OTOGL: variants seen among roughly 807,000 people sequenced by gnomAD.
OTOGL encodes the protein otogelin like.
Under a neutral mutation model 318.5 loss-of-function variants are expected in OTOGL, and 285 were observed. That is an observed-to-expected ratio of 0.89 (90% CI 0.81 to 0.99). The LOEUF is 0.99. OTOGL is among the 50% of genes least tolerant of loss of function. The pLI is 0.00. For synonymous variants in OTOGL, 987 were observed against 936.5 expected (o/e 1.05, Z -0.99); for missense variants, 2,899 against 2,845.6 (o/e 1.02, Z -0.43).
At chr12:80,354,777 T>C (rs1397583254) in intron 46 of OTOGL, among the ~76,000 whole-genome samples, 1 of 152,196 alleles carries the variant, frequency 6.6e-6, no homozygotes, top group Non-Finnish European at 1.5e-5. Flanking sequence ...GCAAATAGGA[T>C]AAGAGTTCAC....
At chr12:80,275,347 A>G (rs1883721748) in intron 24 of OTOGL, among the ~76,000 whole-genome samples, 1 of 151,910 alleles carries the variant, frequency 6.6e-6, no homozygotes, top group South Asian at 2.1e-4. Flanking sequence ...GCAGATGCAA[A>G]GGAAATAGCA....
At chr12:80,131,427 A>G (rs751312703) in intron 1 of OTOGL, among the ~76,000 whole-genome samples, 7 of 152,196 alleles carry the variant, frequency 4.6e-5, no homozygotes, top group Admixed American at 2.0e-4. Context: ...CAGGAACTTT[A>G]TTTTTGTATT....
intron 34 of OTOGL, among the ~76,000 whole-genome samples, chr12:80,322,303 C>T (rs1887391169): frequency 1.3e-5 from 2 of 152,200 alleles, no homozygotes; most frequent in South Asian, 2.1e-4. Flanking sequence ...TCTATTTCCC[C>T]TCTGCTCTAG....
chr12:80,365,463 G>A (rs1050988104), intron 52 of OTOGL, among the ~76,000 whole-genome samples: 1 of 152,076 alleles, frequency 6.6e-6, no homozygotes, highest in South Asian at 2.1e-4. Flanking sequence ...GAAGATTTAA[G>A]CCTAAGCTCA....
In OTOGL at chr12:80,305,585, T is replaced by A; in HGVS notation, c.3223T>A (p.Ser1075Thr). ...TTTTCTCTTACTTTAGAACAAGCTA[T>A]CAGGATTGTGTGGAAACTTTGACAA... ...KVGPQWKNKL[S>T]GLCGNFDKCT... The change falls in exon 29 of 59, where the codon TCA becomes ACA. Residue 1075 changes from serine to threonine, a missense_variant. This residue lies in a region of OTOGL where 2,607 missense variants were observed against 2,524.9 expected (regional missense o/e 1.03). Transcript: ENST00000547103. 1.3e-6 allele frequency: 2 copies of A among 1,558,228 alleles called. No individual in the cohort carries two copies. The highest frequency in any genetic ancestry group is 1.7e-6 in the Non-Finnish European group (2 of 1,164,432).
rs1178110878 is a variant in OTOGL at position 80,358,671 on chromosome 12, T to C, written c.6122T>C (p.Val2041Ala). Residue 2041 changes from valine (V) to alanine (A), a missense_variant and splice_region_variant, in exon 51 of 59, where the codon GTA becomes GCA. By Grantham distance (64) the Val-to-Ala change is moderately conservative. Coordinates refer to ENST00000547103, the MANE Select transcript of OTOGL (RefSeq NM_001378609.3). The part of the protein sequence containing the change: ...THFCCPQYYC[V>A]CEPNLCPMPL... ...TTACCCATGTAATTTTTCTTTTTAG[T>C]ATGTGAACCAAACCTTTGTCCTATG... 6.2e-7 allele frequency: 1 copy of C among 1,603,402 alleles called. No individual in the cohort carries two copies. Among genetic ancestry groups the C allele is most frequent in the East Asian group, 2.2e-5 (1 of 44,782 alleles).
At chr12:80,356,682 GTA>G (rs113605309) in intron 48 of OTOGL, 123 bp from the exon 49 acceptor site, 642 of 586,852 alleles carry the variant, frequency 1.1e-3, no homozygotes, top group Middle Eastern at 1.5e-3. Flanking sequence ...TCATATATAT[GTA>G]TATATATATA....
intron 30 of OTOGL, 128 bp downstream of exon 30, chr12:80,310,855 G>T: frequency 4.6e-6 from 3 of 647,830 alleles, no homozygotes; most frequent in Non-Finnish European, 5.0e-6. Flanking sequence ...CTATTGTTAG[G>T]GGGGCATATG....
chr12:80,341,708 G>A (rs1337792358), intron 43 of OTOGL, among the ~76,000 whole-genome samples: 1 of 152,080 alleles, frequency 6.6e-6, no homozygotes, highest in Admixed American at 6.6e-5. Flanking sequence ...CATGTATCTT[G>A]ACTTCTAGGC....
intron 7 of OTOGL, 99 bp from the exon 8 acceptor site, chr12:80,229,158 G>A: frequency 7.5e-7 from 1 of 1,341,834 alleles, no homozygotes. Flanking sequence ...AGTGTCATGG[G>A]ACTAATGAAA....
chr12:80,256,069 A>G (rs1402792451), intron 16 of OTOGL, among the ~76,000 whole-genome samples: 2 of 152,088 alleles, frequency 1.3e-5, no homozygotes, highest in Non-Finnish European at 2.9e-5. Flanking sequence ...GTATGTATAC[A>G]TCTGATATAT....
chr12:80,356,063 A>C, intron 47 of OTOGL, 115 bp downstream of exon 47: 1 of 1,189,460 alleles, frequency 8.4e-7, no homozygotes, highest in Admixed American at 2.2e-5. Context: ...CATAAATGTC[A>C]TTTTCTCAAA....
In OTOGL at chr12:80,318,676, T is replaced by C. The variant is rs1040373784; in HGVS notation, c.3765T>C (p.Phe1255=). ...TTCATACCAGTTTATTTTTTTATTT[T>C]ATGATCACTCCAGGCCTTTTCAAAG... The part of the protein sequence containing the change: ...SSVHTSLFFY[F]MITPGLFKEK... Residue 1255 remains phenylalanine (F), a synonymous_variant, in exon 33 of 59, where the codon TTT becomes TTC. Transcript: ENST00000547103. 1.4e-6 allele frequency: 2 copies of C among 1,434,838 alleles called. 1 individual carries two copies. The highest frequency in any genetic ancestry group is 5.7e-5 in the Admixed American group (2 of 35,002). 88.9% of individuals were successfully genotyped at this position (1,434,838 alleles called of 1,614,324 possible).
At chr12:80,229,074 A>C (rs547243681) in intron 7 of OTOGL, among the ~76,000 whole-genome samples, 183 bp from the exon 8 acceptor site, 2 of 152,324 alleles carry the variant, frequency 1.3e-5, no homozygotes, top group South Asian at 4.1e-4. Context: ...TTAGGAAGTT[A>C]ATTTTGTTGC....
chr12:80,179,815 T>G (rs1006227067), intron 1 of OTOGL, among the ~76,000 whole-genome samples: 1 of 152,220 alleles, frequency 6.6e-6, no homozygotes, highest in Non-Finnish European at 1.5e-5. Flanking sequence ...ACAGTGAGCA[T>G]CCATCATGTA....
At chr12:80,125,216 A>G (rs1273057882) in intron 1 of OTOGL, among the ~76,000 whole-genome samples, 1 of 152,196 alleles carries the variant, frequency 6.6e-6, no homozygotes, top group African/African-American at 2.4e-5. Flanking sequence ...TGTCCCATCA[A>G]TACCTAATTT....
At chr12:80,103,799 C>G (rs1869289319) in intron 1 of OTOGL, among the ~76,000 whole-genome samples, 1 of 152,114 alleles carries the variant, frequency 6.6e-6, no homozygotes, top group African/African-American at 2.4e-5. Context: ...CAAACATTCA[C>G]ACAACTATTT....
chr12:80,226,054 G>T (rs2137374785), intron 7 of OTOGL, among the ~76,000 whole-genome samples: 1 of 151,836 alleles, frequency 6.6e-6, no homozygotes, highest in African/African-American at 2.4e-5. Flanking sequence ...GTTTCTTCTG[G>T]TTTTTATCTT....
intron 46 of OTOGL, 70 bp from the exon 47 acceptor site, chr12:80,355,666 C>A: frequency 2.2e-6 from 3 of 1,344,052 alleles, no homozygotes; most frequent in South Asian, 1.4e-5. Flanking sequence ...AGTCTGAAAC[C>A]AAAACATGGT....
Sources: gnomAD v4.1 joint callset for allele counts (sites outside exome capture counted in the v4.1 genomes callset) on GRCh38, gnomAD v4.1.1 for gene constraint, gnomAD v4.1.1 regional missense constraint, MANE v1.5 for transcripts, NCBI Gene and HGNC (gene_info 2026-07-23, HGNC 2026-07-21) for gene names.